The following RARB variants were observed in gnomAD, a reference collection of about 807,000 sequenced individuals.
The protein encoded by RARB is HBV-activated protein.
A neutral mutation model predicts 51.9 loss-of-function variants in RARB; 17 were observed. That is an observed-to-expected ratio of 0.33 (90% CI 0.22 to 0.49). The LOEUF (loss-of-function observed/expected upper bound fraction) is 0.49, where lower values mean the gene tolerates loss of function less well. Ranked by LOEUF, RARB falls within the 20% of genes least tolerant of loss-of-function variation. RARB has a pLI of 0.99. For synonymous variants in RARB, 215 were observed against 195.4 expected (o/e 1.10, Z -0.84); for missense variants, 369 against 550.8 (o/e 0.67, Z 3.30).
intron 5 of RARB, among the ~76,000 whole-genome samples, chr3:25,381,260 C>A (rs1171446952): frequency 6.6e-6 from 1 of 152,120 alleles, no homozygotes; most frequent in East Asian, 1.9e-4. Context: ...GGAGGACTCT[C>A]TGAAAGGAAT....
Position 25,247,121 on chromosome 3 carries a change from C to T in RARB, c.178+72546C>T, listed in dbSNP as rs148539167. On this transcript the variant is annotated intron_variant, in intron 5 of 11. Coordinates refer to the RARB transcript ENST00000383772. ...CTAGCTGGGAGCTTCATTTACACTG[C>T]GAGGGGAAAATCGCCTACTCATGCC... 1.6e-4 allele frequency among the ~76,000 whole-genome samples: 25 copies of T among 152,286 alleles called. No homozygotes were observed. In the East Asian group the frequency reaches 3.1e-3, roughly 19 times the overall value.
At chr3:25,463,219 A>G (rs998219068) in intron 2 of RARB, among the ~76,000 whole-genome samples, 1 of 152,086 alleles carries the variant, frequency 6.6e-6, no homozygotes, top group Non-Finnish European at 1.5e-5. Context: ...TAAGTGATAT[A>G]GATATGGAGG....
chr3:25,558,686 C>G (rs1220967528), intron 3 of RARB, among the ~76,000 whole-genome samples: 2 of 152,104 alleles, frequency 1.3e-5, no homozygotes, highest in Admixed American at 6.5e-5. Context: ...CTGACAGCCT[C>G]TGGATTCCTA....
chr3:25,194,616 CTTAA>C lies in RARB; in HGVS notation c.178+20045_178+20048del, dbSNP rs138753405. Among the ~76,000 whole-genome samples the C allele has an allele frequency of 9.8e-3, 1,476 of 150,422 alleles. 6 individuals carry two copies. The highest frequency in any genetic ancestry group is 0.017 in the Non-Finnish European group (1,133 of 67,566). On this transcript the variant is annotated intron_variant, in intron 5 of 11. Transcript: ENST00000383772. ...CGGAAGTAAAAGGCTGTCATAGGAG[CTTAA>C]TTAGAGTCCCTTGAGAACAAGGTCT...
At chr3:24,919,988 A>T (rs1695185428) in intron 2 of RARB, among the ~76,000 whole-genome samples, 1 of 152,228 alleles carries the variant, frequency 6.6e-6, no homozygotes, top group African/African-American at 2.4e-5. Flanking sequence ...ACCTCGCTGG[A>T]CACTGCTTAT....
intron 2 of RARB, among the ~76,000 whole-genome samples, chr3:25,495,571 A>G (rs1161746833): frequency 6.6e-6 from 1 of 152,220 alleles, no homozygotes; most frequent in African/African-American, 2.4e-5. Context: ...AAATGGCTCT[A>G]ATGCATATAT....
chr3:25,577,624 A>G (rs1700992845), intron 4 of RARB, among the ~76,000 whole-genome samples: 1 of 152,184 alleles, frequency 6.6e-6, no homozygotes, highest in South Asian at 2.1e-4. Context: ...TGAACAAACC[A>G]CTGTAATACC....
intron 4 of RARB, among the ~76,000 whole-genome samples, chr3:25,144,720 G>T (rs1700161011): frequency 6.6e-6 from 1 of 152,130 alleles, no homozygotes; most frequent in African/African-American, 2.4e-5. Flanking sequence ...CTTAGCAATG[G>T]TCTCACATTT....
intron 4 of RARB, among the ~76,000 whole-genome samples, chr3:25,144,785 T>G (rs1468993366): frequency 6.6e-6 from 1 of 152,206 alleles, no homozygotes; most frequent in Admixed American, 6.5e-5. Context: ...GATAGGAGCA[T>G]GTGATCAGCC....
chr3:25,121,799 T>A (rs995304954), intron 3 of RARB, among the ~76,000 whole-genome samples: 3 of 152,204 alleles, frequency 2.0e-5, no homozygotes, highest in African/African-American at 7.2e-5. Context: ...TATTGAACAG[T>A]CAACTCCTAA....
intron 2 of RARB, among the ~76,000 whole-genome samples, chr3:24,957,158 G>C (rs1450322393): frequency 6.6e-6 from 1 of 152,118 alleles, no homozygotes; most frequent in South Asian, 2.1e-4. Context: ...GGGCTAATGA[G>C]TGCCTCACTT....
At chr3:25,586,541 A>G (rs1378433232) in intron 5 of RARB, among the ~76,000 whole-genome samples, 2 of 151,588 alleles carry the variant, frequency 1.3e-5, no homozygotes, top group South Asian at 2.1e-4. Flanking sequence ...TCAAGATTTA[A>G]TGTCTTTCCC....
intron 2 of RARB, among the ~76,000 whole-genome samples, chr3:25,016,074 A>G (rs768691823): frequency 6.6e-6 from 1 of 152,220 alleles, no homozygotes; most frequent in Non-Finnish European, 1.5e-5. Context: ...TGCAGGATAA[A>G]TAATGGACAA....
At chr3:25,175,289 A>T (rs1273661963) in intron 5 of RARB, among the ~76,000 whole-genome samples, 2 of 152,196 alleles carry the variant, frequency 1.3e-5, no homozygotes, top group Non-Finnish European at 2.9e-5. Flanking sequence ...GAGCTTTTCC[A>T]CCTGTTAATA....
At chr3:24,958,201 G>A (rs1175613684) in intron 2 of RARB, among the ~76,000 whole-genome samples, 1 of 139,054 alleles carries the variant, frequency 7.2e-6, no homozygotes, top group Non-Finnish European at 1.5e-5. Context: ...ACTGTTGGAC[G>A]TGTTAAAAAA....
At chr3:25,558,589 A>G (rs1012254693) in intron 3 of RARB, among the ~76,000 whole-genome samples, 2 of 138,954 alleles carry the variant, frequency 1.4e-5, no homozygotes, top group African/African-American at 5.4e-5. Context: ...ATCCTCGCTT[A>G]CGACTTCAAC....
intron 2 of RARB, among the ~76,000 whole-genome samples, chr3:24,879,217 C>T (rs1400652108): frequency 2.0e-5 from 3 of 152,054 alleles, no homozygotes; most frequent in South Asian, 2.1e-4. Flanking sequence ...ATCACGAGGT[C>T]AGGAGATTGA....
chr3:25,227,621 C>T (rs1702085336), intron 5 of RARB, among the ~76,000 whole-genome samples: 1 of 152,128 alleles, frequency 6.6e-6, no homozygotes, highest in Non-Finnish European at 1.5e-5. Context: ...TCCCCATTCC[C>T]ATCACAACTA....
At chr3:24,838,908 A>G (rs1702380173) in intron 1 of RARB, among the ~76,000 whole-genome samples, 1 of 145,618 alleles carries the variant, frequency 6.9e-6, no homozygotes, top group South Asian at 2.2e-4. Flanking sequence ...GACTCTGGAA[A>G]TCTGTGTAAA....
Sources: allele counts gnomAD v4.1 joint callset (sites outside exome capture counted in the v4.1 genomes callset), GRCh38; gene constraint gnomAD v4.1.1; transcripts MANE v1.5; gene names NCBI Gene and HGNC (gene_info 2026-07-23, HGNC 2026-07-21).